The following PIGH variants were observed in gnomAD, a reference collection of about 807,000 sequenced individuals.
The protein encoded by PIGH is phosphatidylinositol N-acetylglucosaminyltransferase subunit H.
PIGH carries 11 observed loss-of-function variants against 20.1 expected under a neutral mutation model. That is an observed-to-expected ratio of 0.55 (90% CI 0.34 to 0.91). The LOEUF (loss-of-function observed/expected upper bound fraction) is 0.91, where lower values mean the gene tolerates loss of function less well. Ranked by LOEUF, PIGH falls within the 40% of genes least tolerant of loss-of-function variation. The pLI, the probability that PIGH is intolerant of heterozygous loss-of-function variation, is 0.02. For synonymous variants in PIGH, 72 were observed against 93.1 expected, an observed-to-expected ratio of 0.77 and a Z score of 1.31; for missense variants, 189 against 233.6, an observed-to-expected ratio of 0.81 and a Z score of 1.24.
At chr14:67,591,566 CTT>C (rs931412394) in intron 3 of PIGH, among the ~76,000 whole-genome samples, 5 of 152,114 alleles carry the variant, frequency 3.3e-5, no homozygotes, top group Admixed American at 6.6e-5. Context: ...GATGGGGTCT[CTT>C]GTCACCCAGG....
chr14:67,589,978 A>G lies in PIGH; in HGVS notation c.*102T>C. 1 of 1,434,428 alleles carries G rather than the reference A, an allele frequency of 7.0e-7. No homozygotes were observed. Among genetic ancestry groups the G allele is most frequent in the Middle Eastern group, 2.6e-4 (1 of 3,856 alleles). 88.9% of individuals were successfully genotyped at this position (1,434,428 alleles called of 1,614,324 possible). On this transcript the variant is annotated 3_prime_UTR_variant, in exon 4 of 4. Transcript: ENST00000216452. Reference sequence around the variant, plus strand: ...ATGCACTACATCCATAATGGTTCCTAGGACTGTGTCCACCTGATGGTTTGG... The same window carrying G: ...ATGCACTACATCCATAATGGTTCCTGGGACTGTGTCCACCTGATGGTTTGG...
At chr14:67,599,673 T>C (rs1266612539) in intron 1 of PIGH, among the ~76,000 whole-genome samples, 1 of 152,134 alleles carries the variant, frequency 6.6e-6, no homozygotes, top group Non-Finnish European at 1.5e-5. Context: ...CACTTAGTAG[T>C]TCCTTGAACT....
chr14:67,592,353 T>G, intron 3 of PIGH: 1 of 447,660 alleles, frequency 2.2e-6, no homozygotes, highest in Non-Finnish European at 4.1e-6. Flanking sequence ...GGCAGGAGGA[T>G]TTCTTGAGCC....
At chr14:67,592,526 A>T in intron 3 of PIGH, 109 bp downstream of exon 3, 1 of 653,856 alleles carries the variant, frequency 1.5e-6, no homozygotes. Context: ...CCTAATTATC[A>T]CTCAAAACAG....
At position 67,593,488 on chromosome 14, in the gene PIGH, CT is replaced by C. The variant is rs1480292675; in HGVS notation, c.390+254del. 24 of 306,960 alleles carry C rather than the reference CT, an allele frequency of 7.8e-5. No homozygotes were observed. The African/African-American group carries it at 1.3e-3, about 17-fold the overall frequency. The allele number at this position is 306,960 out of a possible 1,614,324, so 19.0% of individuals were successfully genotyped here. ...CCTGGGCAACAGAGTGAGACCCTGT[CT>C]CAAAAAAAAAAAAAGAAAAAAGATA... On this transcript the variant is annotated intron_variant, in intron 2 of 3. Transcript: ENST00000216452.
chr14:67,596,869 T>C (rs567650866), intron 1 of PIGH, among the ~76,000 whole-genome samples: 6 of 152,354 alleles, frequency 3.9e-5, no homozygotes, highest in African/African-American at 1.4e-4. Flanking sequence ...TATTCGGAAC[T>C]GAGGAAATTT....
chr14:67,590,078 G>A lies in PIGH; in HGVS notation c.*2C>T. The A allele has an allele frequency of 3.2e-6, 5 of 1,549,676 alleles. No homozygotes were observed. Among genetic ancestry groups the A allele is most frequent in the Non-Finnish European group, 3.5e-6 (4 of 1,146,578 alleles). ...CAATGCTGGCCTTCTGAACGCTGGG[G>A]CTCATGGGCTTGTTGATGTGGCTTT... On this transcript the variant is annotated 3_prime_UTR_variant, in exon 4 of 4. Coordinates refer to ENST00000216452, the MANE Select transcript of PIGH (RefSeq NM_004569.5).
At chr14:67,592,059 T>C (rs932173700) in intron 3 of PIGH, 3 of 158,384 alleles carry the variant, frequency 1.9e-5, no homozygotes, top group African/African-American at 7.4e-5. Flanking sequence ...AAAAAAAGTG[T>C]ACAGTAGTAG....
rs561325236 is a variant in PIGH at position 67,596,436 on chromosome 14, C to T, written c.181-2484G>A. Among the ~76,000 whole-genome samples the T allele has an allele frequency of 2.2e-4, 33 of 151,602 alleles. No homozygotes were observed. The East Asian group carries it at 3.9e-3, about 18-fold the overall frequency. On this transcript the variant is annotated intron_variant, in intron 1 of 3. Transcript: ENST00000216452. Reference sequence around the variant, plus strand: ...GATTCCAGGTGTGAGCCACCGCACCCGGCAAAGCTATGATTTAGAAGACTG... The same window carrying T: ...GATTCCAGGTGTGAGCCACCGCACCTGGCAAAGCTATGATTTAGAAGACTG...
chr14:67,599,921 A>G, intron 1 of PIGH, 103 bp downstream of exon 1: 1 of 936,392 alleles, frequency 1.1e-6, no homozygotes, highest in Non-Finnish European at 1.6e-6. Flanking sequence ...CTATCACTGT[A>G]GGAGGGGCCG....
chr14:67,590,249 AT>A (rs34186099), intron 3 of PIGH, 77 bp from the exon 4 acceptor site: 202,548 of 729,444 alleles, frequency 0.28, 2,988 homozygotes, highest in Admixed American at 0.32. Context: ...CCACTTGCAA[AT>A]TTTTTTTTTT....
At chr14:67,599,918 T>C (rs1048360003) in intron 1 of PIGH, 106 bp downstream of exon 1, 3 of 907,642 alleles carry the variant, frequency 3.3e-6, no homozygotes, top group African/African-American at 3.4e-5. Flanking sequence ...GTCCTATCAC[T>C]GTAGGAGGGG....
Position 67,596,387 on chromosome 14 carries a change from C to T in PIGH, c.181-2435G>A, listed in dbSNP as rs956256976. ...AACTCCTGACCTCAGGCAATCCACCCGCCTCAGCCTCCCAAAGTGCTGGGA... is the reference window on the plus strand; with the variant it reads ...AACTCCTGACCTCAGGCAATCCACCTGCCTCAGCCTCCCAAAGTGCTGGGA... On this transcript the variant is annotated intron_variant, in intron 1 of 3. Transcript: ENST00000216452. Among the ~76,000 whole-genome samples, 2 of 147,188 alleles carry T rather than the reference C, an allele frequency of 1.4e-5. 1 individual carries two copies. The highest frequency in any genetic ancestry group is 4.1e-4 in the East Asian group (2 of 4,910).
rs778212036 is a variant in PIGH, at chr14:67,600,217, G to A, written c.-14C>T. On this transcript the variant is annotated 5_prime_UTR_variant, in exon 1 of 4. Coordinates refer to ENST00000216452, the MANE Select transcript of PIGH (RefSeq NM_004569.5). ...CTCATCCTCCATGACGCCCCCACTC[G>A]GCCGCCCGCACCGCGCGGCGCTGCA... 14 of 1,558,034 alleles carry A rather than the reference G, an allele frequency of 9.0e-6. No individual in the cohort carries two copies. The African/African-American group carries it at 1.6e-4, about 18-fold the overall frequency.
At chr14:67,597,252 G>A (rs1419780937) in intron 1 of PIGH, among the ~76,000 whole-genome samples, 1 of 152,208 alleles carries the variant, frequency 6.6e-6, no homozygotes, top group African/African-American at 2.4e-5. Context: ...CCAACATGGG[G>A]GGATCGCTTG....
Position 67,600,217 on chromosome 14 carries a change from G to C in PIGH, c.-14C>G, listed in dbSNP as rs778212036. The C allele has an allele frequency of 2.4e-5, 38 of 1,558,150 alleles. No individual in the cohort carries two copies. Among genetic ancestry groups the C allele is most frequent in the Non-Finnish European group, 2.8e-5 (32 of 1,153,406 alleles). ...CTCATCCTCCATGACGCCCCCACTCGGCCGCCCGCACCGCGCGGCGCTGCA... is the reference window on the plus strand; with the variant it reads ...CTCATCCTCCATGACGCCCCCACTCCGCCGCCCGCACCGCGCGGCGCTGCA... On this transcript the variant is annotated 5_prime_UTR_variant, in exon 1 of 4. Transcript: ENST00000216452.
intron 1 of PIGH, 73 bp from the exon 2 acceptor site, chr14:67,594,025 A>G: frequency 1.0e-6 from 1 of 957,034 alleles, no homozygotes. Flanking sequence ...TGAGGGGAAC[A>G]TGCATGGAGG....
At chr14:67,593,501 AAAG>A in intron 2 of PIGH, 1 of 485,136 alleles carries the variant, frequency 2.1e-6, no homozygotes, top group Non-Finnish European at 3.7e-6. Flanking sequence ...AAAAAAAAAA[AAAG>A]AAAAAAGATA....
intron 1 of PIGH, among the ~76,000 whole-genome samples, chr14:67,597,709 A>C (rs915016840): frequency 1.3e-5 from 2 of 152,126 alleles, no homozygotes; most frequent in East Asian, 3.8e-4. Flanking sequence ...ATACATAGAA[A>C]ATATTCTGGA....
Sources: gnomAD v4.1 joint callset for allele counts (sites outside exome capture counted in the v4.1 genomes callset) on GRCh38, gnomAD v4.1.1 for gene constraint, MANE v1.5 for transcripts, NCBI Gene and HGNC (gene_info 2026-07-23, HGNC 2026-07-21) for gene names.